The following C2CD3 variants were observed in gnomAD, a reference collection of about 807,000 sequenced individuals.
C2CD3 encodes C2 domain-containing protein 3.
A neutral mutation model predicts 234.0 loss-of-function variants in C2CD3; 148 were observed. That is an observed-to-expected ratio of 0.63 (90% CI 0.55 to 0.72). The LOEUF (loss-of-function observed/expected upper bound fraction) is 0.72, where lower values mean the gene tolerates loss of function less well. Ranked by LOEUF, C2CD3 falls within the 30% of genes least tolerant of loss-of-function variation. The pLI, the probability that C2CD3 is intolerant of heterozygous loss-of-function variation, is 0.00. For missense variants in C2CD3, 2,577 were observed against 2,811.5 expected (o/e 0.92, Z 1.89); for synonymous variants, 1,000 against 1,035.4 (o/e 0.97, Z 0.66).
intron 17 of C2CD3, among the ~76,000 whole-genome samples, chr11:74,094,857 G>A (rs928392597): frequency 7.2e-5 from 11 of 152,176 alleles, no homozygotes; most frequent in South Asian, 2.1e-4. Context: ...TTAATTCAGC[G>A]TTCATGGTGG....
intron 3 of C2CD3, among the ~76,000 whole-genome samples, chr11:74,158,343 CA>C (rs545125546): frequency 1.2e-3 from 180 of 152,262 alleles, no homozygotes; most frequent in African/African-American, 4.0e-3. Context: ...AGCAACAAAA[CA>C]TTTTTTTAAT....
At chr11:74,143,506 C>T (rs1854947151) in intron 3 of C2CD3, among the ~76,000 whole-genome samples, 1 of 149,124 alleles carries the variant, frequency 6.7e-6, no homozygotes, top group Non-Finnish European at 1.5e-5. Context: ...GTGTGCACCA[C>T]CACATCAAGC....
chr11:74,106,281 G>C lies in C2CD3; in HGVS notation c.2085+90C>G, dbSNP rs1040634447. 27 of 1,267,944 alleles carry C rather than the reference G, an allele frequency of 2.1e-5. No individual in the cohort carries two copies. The African/African-American group carries it at 3.9e-4, about 18-fold the overall frequency. The allele number at this position is 1,267,944 out of a possible 1,614,324, so 78.5% of individuals were successfully genotyped here. A position where few individuals can be genotyped will look rare whatever the true frequency, so the allele number is the denominator to read the frequency against. ...GATGCTACACAAGATCAAAGACCTT[G>C]CTTTTCTTGTTCACTGCTATATCCT... On this transcript the variant is annotated intron_variant, in intron 13 of 32. Coordinates refer to ENST00000334126, the MANE Select transcript of C2CD3 (RefSeq NM_001286577.2).
At chr11:74,020,108 A>G (rs1182259155) in intron 32 of C2CD3, among the ~76,000 whole-genome samples, 1 of 152,190 alleles carries the variant, frequency 6.6e-6, no homozygotes, top group African/African-American at 2.4e-5. Flanking sequence ...TGGTTAATCC[A>G]GGGGCCCATT....
At chr11:74,050,597 A>G (rs1953628492) in intron 26 of C2CD3, among the ~76,000 whole-genome samples, 1 of 152,258 alleles carries the variant, frequency 6.6e-6, no homozygotes, top group African/African-American at 2.4e-5. Flanking sequence ...AGGTCTATAA[A>G]TTGCTTAATA....
intron 2 of C2CD3, among the ~76,000 whole-genome samples, chr11:74,162,550 T>TA (rs1433515554): frequency 6.6e-6 from 1 of 152,158 alleles, no homozygotes; most frequent in Non-Finnish European, 1.5e-5. Flanking sequence ...TAATTTAACT[T>TA]AAAAAAGTAT....
intron 21 of C2CD3, among the ~76,000 whole-genome samples, chr11:74,085,193 A>G (rs1043390586): frequency 2.0e-5 from 3 of 148,398 alleles, no homozygotes; most frequent in Non-Finnish European, 4.4e-5. Context: ...GCTGGAATGC[A>G]GTGGTGCAAT....
At chr11:74,075,366 TGG>T (rs35261928) in intron 23 of C2CD3, among the ~76,000 whole-genome samples, 3 of 121,016 alleles carry the variant, frequency 2.5e-5, no homozygotes, top group East Asian at 4.9e-4. Context: ...GGCGATATTT[TGG>T]GGGGGGGTGG....
chr11:74,095,869 T>C (rs1256613105), intron 16 of C2CD3, among the ~76,000 whole-genome samples: 3 of 152,136 alleles, frequency 2.0e-5, no homozygotes, highest in Non-Finnish European at 2.9e-5. Flanking sequence ...ACTAATATCA[T>C]AATTTAAGAA....
At chr11:74,053,134 T>C (rs572182140) in intron 26 of C2CD3, among the ~76,000 whole-genome samples, 5 of 152,362 alleles carry the variant, frequency 3.3e-5, no homozygotes, top group South Asian at 4.1e-4. Context: ...GTTCAAATAC[T>C]GGCTCCACCA....
chr11:74,131,097 T>G (rs769757034), intron 7 of C2CD3, among the ~76,000 whole-genome samples: 2 of 151,776 alleles, frequency 1.3e-5, no homozygotes, highest in Non-Finnish European at 2.9e-5. Flanking sequence ...TACAAGCGTG[T>G]GCCATCATGA....
At chr11:74,117,048 G>GAATATATATATATGAATATATATATGAA (rs1956998836) in intron 9 of C2CD3, among the ~76,000 whole-genome samples, 1 of 49,018 alleles carries the variant, frequency 2.0e-5, no homozygotes, top group African/African-American at 7.7e-5. Flanking sequence ...ACGTGTGTGT[G>GAATATATATATATGAATATATATATGAA]TATATATATA....
At chr11:74,130,677 T>C (rs1055458496) in intron 7 of C2CD3, among the ~76,000 whole-genome samples, 1 of 152,246 alleles carries the variant, frequency 6.6e-6, no homozygotes, top group Non-Finnish European at 1.5e-5. Flanking sequence ...TTTTCTAAAC[T>C]ATCAACTCTA....
chr11:74,027,208 G>C (rs1952337018), intron 32 of C2CD3, among the ~76,000 whole-genome samples: 1 of 152,096 alleles, frequency 6.6e-6, no homozygotes, highest in Admixed American at 6.6e-5. Flanking sequence ...CTGGGCTCAA[G>C]CGATTTTTGT....
At chr11:74,117,143 A>AAT (rs1168635691) in intron 9 of C2CD3, among the ~76,000 whole-genome samples, 6 of 14,422 alleles carry the variant, frequency 4.2e-4, no homozygotes, top group African/African-American at 5.8e-4. Context: ...TATATATATG[A>AAT]ATATATATAT....
rs4575300 is a variant in C2CD3, at chr11:74,054,441, C to T, written c.5155+166G>A. On this transcript the variant is annotated intron_variant, in intron 26 of 32. Transcript: ENST00000334126. Reference sequence around the variant, plus strand: ...TCTTACAGGAGAATAATGTGGCCTTCTGGGGGATTACCCTCTACCACATAT... The same window carrying T: ...TCTTACAGGAGAATAATGTGGCCTTTTGGGGGATTACCCTCTACCACATAT... Among the ~76,000 whole-genome samples, 339 of 139,448 alleles carry T rather than the reference C, an allele frequency of 2.4e-3. 2 individuals carry two copies. The highest frequency in any genetic ancestry group is 8.6e-3 in the African/African-American group (323 of 37,460). 91.5% of individuals were successfully genotyped at this position (139,448 alleles called of 152,430 possible). A position where few individuals can be genotyped will look rare whatever the true frequency, so the allele number is the denominator to read the frequency against.
chr11:74,059,464 C>T (rs1349503895), intron 24 of C2CD3, among the ~76,000 whole-genome samples: 1 of 150,290 alleles, frequency 6.7e-6, no homozygotes, highest in Admixed American at 6.6e-5. Context: ...CATACTCCCA[C>T]TTCTCCTGAT....
In C2CD3 at chr11:74,013,367, C is replaced by T. The variant is rs189705057; in HGVS notation, c.*18G>A. 36 of 866,614 alleles carry T rather than the reference C, an allele frequency of 4.2e-5. No individual in the cohort carries two copies. Among genetic ancestry groups the T allele is most frequent in the Middle Eastern group, 2.4e-4 (1 of 4,138 alleles). The allele number at this position is 866,614 out of a possible 1,614,324, so 53.7% of individuals were successfully genotyped here. ...AGGGTGGGCAGGTGTCTCCTTCCCC[C>T]CAGCCCCTCAGGCTGCGTCAGTCTT... is the stretch of plus-strand genomic sequence containing the variant. On this transcript the variant is annotated 3_prime_UTR_variant, in exon 33 of 33. Transcript: ENST00000334126.
rs138909918 is a variant in C2CD3 at position 74,121,851 on chromosome 11, A to G, written c.1365+1137T>C. On this transcript the variant is annotated intron_variant, in intron 8 of 32. Transcript: ENST00000334126. ...TGACTGTGAAGGTGGGAAGTCATGA[A>G]ATCCTAACAGTTCCTAATGTCTTTC... Among the ~76,000 whole-genome samples the G allele has an allele frequency of 3.1e-4, 47 of 152,252 alleles. No homozygotes were observed. In the East Asian group the frequency reaches 5.4e-3, roughly 17 times the overall value.
Sources: allele counts gnomAD v4.1 joint callset (sites outside exome capture counted in the v4.1 genomes callset), GRCh38; gene constraint gnomAD v4.1.1; transcripts MANE v1.5; gene names NCBI Gene and HGNC (gene_info 2026-07-23, HGNC 2026-07-21).